Variants in GOLGA8B observed in about 807,000 individuals in gnomAD.
The protein encoded by GOLGA8B is golgin A8 family member B, also known as golgin subfamily A member 8B.
In GOLGA8B, 1 loss-of-function variant was observed where a neutral mutation model predicts 15.6. The ratio of observed to expected loss-of-function variants is 0.06; its 90% CI spans 0.02 to 0.30. The LOEUF (loss-of-function observed/expected upper bound fraction) is 0.30, where lower values mean the gene tolerates loss of function less well. Ranked by LOEUF, GOLGA8B falls within the 10% of genes least tolerant of loss-of-function variation. GOLGA8B has a pLI of 1.00. For missense variants in GOLGA8B, 17 were observed against 201.3 expected (o/e 0.08, Z 5.54); for synonymous variants, 9 against 80.3 (o/e 0.11, Z 4.75).
intron 1 of GOLGA8B, among the ~76,000 whole-genome samples, chr15:34,578,295 C>A (rs1456667513): frequency 4.6e-5 from 7 of 152,252 alleles, no homozygotes; most frequent in African/African-American, 1.7e-4. Flanking sequence ...AGCTCCCACG[C>A]CCTTTCCCCA....
At chr15:34,568,888 C>T (rs1403372138) in intron 1 of GOLGA8B, among the ~76,000 whole-genome samples, 1 of 140,790 alleles carries the variant, frequency 7.1e-6, no homozygotes, top group Non-Finnish European at 1.5e-5. Flanking sequence ...GTTGGAATCT[C>T]CCCTCTGCCA....
At chr15:34,575,730 A>G (rs1386811305) in intron 1 of GOLGA8B, among the ~76,000 whole-genome samples, 5 of 152,170 alleles carry the variant, frequency 3.3e-5, no homozygotes, top group Non-Finnish European at 5.9e-5. Context: ...ACCCCAACCT[A>G]CCGTGGGGCT....
At chr15:34,557,695 G>C (rs1256273369) in intron 1 of GOLGA8B, among the ~76,000 whole-genome samples, 2 of 86,452 alleles carry the variant, frequency 2.3e-5, no homozygotes, top group Non-Finnish European at 4.7e-5. Context: ...TGTGTACTGA[G>C]AGCTTGGGTT....
intron 1 of GOLGA8B, chr15:34,574,881 C>T (rs1405392588): frequency 6.6e-6 from 1 of 152,062 alleles, no homozygotes; most frequent in Admixed American, 6.6e-5. Flanking sequence ...GTTTCTTGCC[C>T]AGCAGCCCCC....
intron 11 of GOLGA8B, among the ~76,000 whole-genome samples, chr15:34,532,358 G>T (rs1268088724): frequency 1.5e-5 from 1 of 67,856 alleles, no homozygotes; most frequent in Non-Finnish European, 6.3e-5. Flanking sequence ...CTTCACAGCC[G>T]ATATAGGATG....
chr15:34,567,426 G>A (rs941686751), intron 1 of GOLGA8B, among the ~76,000 whole-genome samples: 21 of 151,684 alleles, frequency 1.4e-4, no homozygotes, highest in African/African-American at 4.6e-4. Flanking sequence ...GATGAGCCAG[G>A]GTCTGCCCAG....
intron 1 of GOLGA8B, among the ~76,000 whole-genome samples, chr15:34,573,951 C>T (rs896483980): frequency 2.0e-5 from 3 of 151,560 alleles, no homozygotes; most frequent in Non-Finnish European, 4.4e-5. Context: ...TGCCAAATCA[C>T]CAGCAAAACA....
At chr15:34,561,289 T>G (rs1888620095) in intron 1 of GOLGA8B, among the ~76,000 whole-genome samples, 1 of 150,462 alleles carries the variant, frequency 6.6e-6, no homozygotes, top group East Asian at 1.9e-4. Context: ...GCTTCTCCCA[T>G]TATTTTTAAA....
chr15:34,575,808 C>T (rs533930108), intron 1 of GOLGA8B, among the ~76,000 whole-genome samples: 5 of 152,338 alleles, frequency 3.3e-5, no homozygotes, highest in African/African-American at 1.2e-4. Context: ...GGCTCTGATG[C>T]CATTGCACAT....
At chr15:34,582,888 C>CGGGGCAGGTCTCCGGGA (rs754536775) in intron 1 of GOLGA8B, 6 of 152,166 alleles carry the variant, frequency 3.9e-5, no homozygotes, top group African/African-American at 9.6e-5. Context: ...CTGCCCCTTC[C>CGGGGCAGGTCTCCGGGA]GGGGCAGGTC....
At chr15:34,578,916 C>T (rs539471695) in intron 1 of GOLGA8B, among the ~76,000 whole-genome samples, 2 of 152,224 alleles carry the variant, frequency 1.3e-5, no homozygotes, top group East Asian at 3.9e-4. Context: ...TATGACAGGC[C>T]TCCTCTGCAT....
At position 34,566,739 on chromosome 15, in the gene GOLGA8B, C is replaced by T. The variant is rs988121706; in HGVS notation, c.-1122-12783G>A. On this transcript the variant is annotated intron_variant, in intron 1 of 23. Transcript: ENST00000683415. ...GGTCACGGGCACAGGCCTGCACTCA[C>T]GGGTCACTGCAGTGAGGATGGAGGT... 5.7e-5 allele frequency among the ~76,000 whole-genome samples: 8 copies of T among 140,458 alleles called. 1 individual carries two copies. The highest frequency in any genetic ancestry group is 2.8e-4 in the Admixed American group (4 of 14,170). The allele number at this position is 140,458 out of a possible 152,430, so 92.1% of individuals were successfully genotyped here. A position where few individuals can be genotyped will look rare whatever the true frequency, so the allele number is the denominator to read the frequency against.
chr15:34,568,947 T>G (rs1796808171), intron 1 of GOLGA8B, among the ~76,000 whole-genome samples: 1 of 148,102 alleles, frequency 6.8e-6, no homozygotes, highest in Admixed American at 6.6e-5. Context: ...GCTTGTGCGC[T>G]CTCTCTCGCT....
chr15:34,578,440 C>T lies in GOLGA8B; in HGVS notation c.-1123+5076G>A, dbSNP rs552315672. On this transcript the variant is annotated intron_variant, in intron 1 of 23. Coordinates refer to ENST00000683415, the MANE Select transcript of GOLGA8B (RefSeq NM_001023567.5). ...TCATAAGTCCTAGTCATGCCCACCCCGTTAAAAACAAATCTGATACAAAAT... is the reference window on the plus strand; with the variant it reads ...TCATAAGTCCTAGTCATGCCCACCCTGTTAAAAACAAATCTGATACAAAAT... Among the ~76,000 whole-genome samples, 17 of 152,258 alleles carry T rather than the reference C, an allele frequency of 1.1e-4. No individual in the cohort carries two copies. In the South Asian group the frequency reaches 2.3e-3, roughly 20 times the overall value.
At chr15:34,580,924 G>C (rs1889210848) in intron 1 of GOLGA8B, among the ~76,000 whole-genome samples, 1 of 152,154 alleles carries the variant, frequency 6.6e-6, no homozygotes, top group African/African-American at 2.4e-5. Flanking sequence ...ACCTGGCAAG[G>C]GTGAGGAACT....
intron 1 of GOLGA8B, among the ~76,000 whole-genome samples, chr15:34,575,699 C>G (rs75209573): frequency 1.3e-5 from 2 of 152,212 alleles, no homozygotes; most frequent in Non-Finnish European, 2.9e-5. Flanking sequence ...ACCCACTCTT[C>G]TAGGATGGGG....
At chr15:34,578,861 AAAC>A (rs1889154453) in intron 1 of GOLGA8B, among the ~76,000 whole-genome samples, 1 of 152,134 alleles carries the variant, frequency 6.6e-6, no homozygotes. Flanking sequence ...TTGAAACACA[AAAC>A]AACAGATGCA....
At chr15:34,575,635 C>G (rs1889054228) in intron 1 of GOLGA8B, among the ~76,000 whole-genome samples, 1 of 152,088 alleles carries the variant, frequency 6.6e-6, no homozygotes, top group African/African-American at 2.4e-5. Context: ...ACACTCCAGG[C>G]TGGCCCTTCT....
intron 1 of GOLGA8B, among the ~76,000 whole-genome samples, chr15:34,576,316 C>T (rs1301349748): frequency 3.9e-5 from 6 of 152,202 alleles, no homozygotes; most frequent in Non-Finnish European, 8.8e-5. Context: ...TGATTAAGCA[C>T]AGGCACGCCT....
Sources: allele counts gnomAD v4.1 joint callset (sites outside exome capture counted in the v4.1 genomes callset), GRCh38; gene constraint gnomAD v4.1.1; transcripts MANE v1.5; gene names NCBI Gene and HGNC (gene_info 2026-07-23, HGNC 2026-07-21).